MME: variants seen among roughly 807,000 people sequenced by gnomAD.
MME encodes the protein neprilysin.
In MME, 98 loss-of-function variants were observed where a neutral mutation model predicts 113.2. That is an observed-to-expected ratio of 0.87 (90% CI 0.74 to 1.02). MME has a LOEUF of 1.02. Among genes scored for constraint, MME ranks in the 50% least tolerant of loss-of-function variants. The probability of loss-of-function intolerance (pLI) is 0.00; values close to 1 mark genes in which losing one functional copy is unlikely to be tolerated. For synonymous variants in MME, 292 were observed against 300.6 expected, an observed-to-expected ratio of 0.97 and a Z score of 0.30; for missense variants, 836 against 896.0, an observed-to-expected ratio of 0.93 and a Z score of 0.86.
intron 1 of MME, among the ~76,000 whole-genome samples, chr3:155,039,378 T>G (rs1713229537): frequency 1.3e-5 from 2 of 152,154 alleles, no homozygotes; most frequent in Non-Finnish European, 2.9e-5. Context: ...AGACTGGAAA[T>G]TAAATAGGTC....
intron 22 of MME, 85 bp from the exon 23 acceptor site, chr3:155,180,275 T>C (rs1712951596): frequency 1.0e-6 from 1 of 962,394 alleles, no homozygotes; most frequent in Admixed American, 1.7e-5. Context: ...TCACTTGACC[T>C]GCAGAGGGAA....
At chr3:155,072,155 G>A (rs1428363268) in intron 1 of MME, among the ~76,000 whole-genome samples, 2 of 116,778 alleles carry the variant, frequency 1.7e-5, no homozygotes, top group African/African-American at 6.4e-5. Context: ...GCGACAGAGC[G>A]AGACTCCGTC....
chr3:155,031,727 G>A (rs1036508944), intron 1 of MME, among the ~76,000 whole-genome samples: 4 of 152,112 alleles, frequency 2.6e-5, no homozygotes, highest in African/African-American at 9.7e-5. Context: ...GCAAGATCTT[G>A]GCTCACTGCA....
intron 1 of MME, among the ~76,000 whole-genome samples, chr3:155,064,009 G>A (rs1455710320): frequency 6.6e-6 from 1 of 151,976 alleles, no homozygotes; most frequent in African/African-American, 2.4e-5. Context: ...TGAAAGAGAA[G>A]GCCCAGCATG....
rs2108366512 is a variant in MME at position 155,168,584 on chromosome 3, C to T, written c.1873C>T (p.Gln625Ter). 6 of 1,613,790 alleles carry T rather than the reference C, an allele frequency of 3.7e-6. No individual in the cohort carries two copies. Among genetic ancestry groups the T allele is most frequent in the Non-Finnish European group, 5.1e-6 (6 of 1,179,826 alleles). ...GGAGCAATCCCAGTGCATGGTGTATCAGTATGGAAACTTTTCCTGGGACCT... is the reference window on the plus strand; with the variant it reads ...GGAGCAATCCCAGTGCATGGTGTATTAGTATGGAAACTTTTCCTGGGACCT... Reference protein sequence around the residue: ...FKEQSQCMVYQYGNFSWDLAG... With the variant: ...FKEQSQCMVY Residue 625 changes from glutamine (Q) to a stop codon, truncating the protein, a stop_gained, in exon 19 of 23, where the codon CAG (glutamine) becomes TAG (stop). Coordinates refer to ENST00000360490, the MANE Select transcript of MME (RefSeq NM_007289.4). LOFTEE classifies it high-confidence loss of function.
In MME at chr3:155,140,304, G is replaced by C; in HGVS notation, c.957+12G>C. On this transcript the variant is annotated intron_variant, in intron 10 of 22. Coordinates refer to ENST00000360490, the MANE Select transcript of MME (RefSeq NM_007289.4). ...AGATCAATGGGAAGGTAAGTGGTAA[G>C]TTTTTTGTGCTCTCTTATTGTGCCG... The C allele has an allele frequency of 6.7e-7, 1 of 1,485,412 alleles. No individual in the cohort carries two copies. The highest frequency in any genetic ancestry group is 9.3e-7 in the Non-Finnish European group (1 of 1,078,730). The allele number at this position is 1,485,412 out of a possible 1,614,324, so 92.0% of individuals were successfully genotyped here.
chr3:155,141,102 A>G (rs1163099536), intron 10 of MME, among the ~76,000 whole-genome samples: 2 of 152,218 alleles, frequency 1.3e-5, no homozygotes, highest in South Asian at 4.1e-4. Context: ...ATGAAGCAAT[A>G]TCCATGGGAA....
At position 155,180,431 on chromosome 3, in the gene MME, A is replaced by G. The variant is rs753942377; in HGVS notation, c.2225A>G (p.Asn742Ser). 1.2e-6 allele frequency: 2 copies of G among 1,613,584 alleles called. No individual in the cohort carries two copies. Among genetic ancestry groups the G allele is most frequent in the Admixed American group, 3.3e-5 (2 of 59,994 alleles). ...AFHCRKNSYM[N>S]PEKKCRVW is the part of the protein sequence containing the mutation. ...CACTGCCGCAAGAATTCATACATGA[A>G]TCCAGAAAAGAAGTGCCGGGTTTGG... The change falls in exon 23 of 23, where the codon AAT (asparagine) becomes AGT (serine). Residue 742 changes from asparagine to serine, a missense_variant. Coordinates refer to ENST00000360490, the MANE Select transcript of MME (RefSeq NM_007289.4).
At chr3:155,063,752 T>C (rs757486520) in intron 1 of MME, among the ~76,000 whole-genome samples, 5 of 144,886 alleles carry the variant, frequency 3.5e-5, no homozygotes, top group Non-Finnish European at 7.4e-5. Flanking sequence ...ATGAGCCTTT[T>C]CCTCCTCTGC....
At chr3:155,124,946 C>A (rs1719484746) in intron 8 of MME, among the ~76,000 whole-genome samples, 2 of 152,202 alleles carry the variant, frequency 1.3e-5, no homozygotes, top group Admixed American at 6.5e-5. Flanking sequence ...GTGGACTCCA[C>A]CCAGTTCGAG....
chr3:155,076,909 G>T (rs1178885125), upstream of MME, among the ~76,000 whole-genome samples: 1 of 152,232 alleles, frequency 6.6e-6, no homozygotes, highest in Non-Finnish European at 1.5e-5. Context: ...GAGCAGTGAG[G>T]ACCACCAGCG....
At chr3:155,116,299 T>C (rs1718594790) in intron 4 of MME, among the ~76,000 whole-genome samples, 180 bp from the exon 5 acceptor site, 1 of 152,102 alleles carries the variant, frequency 6.6e-6, no homozygotes, top group Admixed American at 6.6e-5. Context: ...GGTAAGGGGT[T>C]TGGTTTTTCC....
chr3:155,116,827 C>T (rs555963334), intron 6 of MME, 41 bp from the exon 7 acceptor site: 3 of 1,546,194 alleles, frequency 1.9e-6, no homozygotes, highest in African/African-American at 2.7e-5. Flanking sequence ...CATTAGTGAA[C>T]TAAAGCTTCT....
chr3:155,163,012 C>CAAAAAAA (rs57700088), intron 17 of MME, among the ~76,000 whole-genome samples: 3 of 78,286 alleles, frequency 3.8e-5, no homozygotes, highest in Non-Finnish European at 7.7e-5. Context: ...AACTCTGTCT[C>CAAAAAAA]AAAAAAAAAA....
intron 3 of MME, among the ~76,000 whole-genome samples, chr3:155,094,697 A>G (rs530151040): frequency 1.8e-4 from 27 of 152,306 alleles, no homozygotes; most frequent in African/African-American, 6.3e-4. Context: ...CAGGCTTTGA[A>G]TCAATTAGAA....
intron 21 of MME, 132 bp downstream of exon 21, chr3:155,172,344 T>C (rs1388802548): frequency 5.0e-6 from 4 of 803,584 alleles, no homozygotes; most frequent in African/African-American, 1.7e-5. Context: ...TTGTTTATAA[T>C]AGACTGTTGG....
At chr3:155,033,153 AAAG>A (rs1713027440) in intron 1 of MME, among the ~76,000 whole-genome samples, 1 of 152,204 alleles carries the variant, frequency 6.6e-6, no homozygotes, top group African/African-American at 2.4e-5. Context: ...CAAGAACATT[AAAG>A]AAGAGAGTTA....
At chr3:155,035,454 T>C (rs1713098496) in intron 1 of MME, among the ~76,000 whole-genome samples, 1 of 152,040 alleles carries the variant, frequency 6.6e-6, no homozygotes, top group Non-Finnish European at 1.5e-5. Context: ...AAGAAAGCAA[T>C]TGAACAAGTT....
intron 3 of MME, among the ~76,000 whole-genome samples, chr3:155,098,534 C>T (rs569043950): frequency 1.5e-4 from 22 of 148,728 alleles, no homozygotes; most frequent in East Asian, 1.2e-3. Context: ...CCGGCCTGGG[C>T]GGCAGAGTGA....
Sources: allele counts gnomAD v4.1 joint callset (sites outside exome capture counted in the v4.1 genomes callset), GRCh38; gene constraint gnomAD v4.1.1; transcripts MANE v1.5; gene names NCBI Gene and HGNC (gene_info 2026-07-23, HGNC 2026-07-21).